The following WASF1 variants were observed in gnomAD, a reference collection of about 807,000 sequenced individuals.
WASF1 encodes actin-binding protein WASF1.
A neutral mutation model predicts 50.5 loss-of-function variants in WASF1; 7 were observed. That is an observed-to-expected ratio of 0.14 (90% CI 0.08 to 0.26). The LOEUF is 0.26. WASF1 is among the 10% of genes least tolerant of loss of function. The pLI is 1.00. For synonymous variants in WASF1, 205 were observed against 244.0 expected (o/e 0.84, Z 1.49); for missense variants, 470 against 694.7 (o/e 0.68, Z 3.64).
At chr6:110,145,752 T>C (rs915286543) in intron 3 of WASF1, among the ~76,000 whole-genome samples, 7 of 152,116 alleles carry the variant, frequency 4.6e-5, no homozygotes, top group Non-Finnish European at 8.8e-5. Context: ...GTTTATATGC[T>C]GGATTAAGAA....
intron 3 of WASF1, among the ~76,000 whole-genome samples, chr6:110,147,203 G>A (rs199981344): frequency 4.6e-5 from 7 of 151,826 alleles, no homozygotes; most frequent in South Asian, 4.2e-4. Flanking sequence ...AAAATTAGCC[G>A]GGCGTGGTGG....
At position 110,105,407 on chromosome 6, in the gene WASF1, C is replaced by A; in HGVS notation, c.713G>T (p.Arg238Ile). The stretch of plus-strand genomic sequence containing the variant: ...AAAAAAAAAACAAAAGTAAAGAAAC[C>A]TTGTTTCAAAATGAGAGGCTGGGCC... ...ANGPASHFETRPQTYVDHMDG... is the reference protein window; with the variant it reads ...ANGPASHFETIPQTYVDHMDG... Residue 238 changes from arginine (R) to isoleucine (I), a missense_variant and splice_region_variant, in exon 8 of 11, where the codon AGA becomes ATA. Transcript: ENST00000392589. 6.3e-7 allele frequency: 1 copy of A among 1,587,000 alleles called. No homozygotes were observed. The highest frequency in any genetic ancestry group is 2.2e-5 in the East Asian group (1 of 44,580).
chr6:110,139,892 A>G (rs141804749), intron 3 of WASF1, among the ~76,000 whole-genome samples: 14 of 152,360 alleles, frequency 9.2e-5, no homozygotes, highest in Admixed American at 5.2e-4. Flanking sequence ...ATAATATACT[A>G]TAACAAAAGT....
At chr6:110,138,867 A>G (rs889607521) in intron 3 of WASF1, among the ~76,000 whole-genome samples, 7 of 152,142 alleles carry the variant, frequency 4.6e-5, no homozygotes. Flanking sequence ...CCCAGCCCCC[A>G]GGCTACAGGC....
intron 7 of WASF1, among the ~76,000 whole-genome samples, 154 bp downstream of exon 7, chr6:110,106,923 G>C (rs1357896050): frequency 6.6e-6 from 1 of 152,166 alleles, no homozygotes; most frequent in East Asian, 1.9e-4. Context: ...CCATCAGACT[G>C]TGTTCTTTCT....
intron 2 of WASF1, among the ~76,000 whole-genome samples, chr6:110,166,955 C>G (rs1776502000): frequency 6.6e-6 from 1 of 151,870 alleles, no homozygotes; most frequent in African/African-American, 2.4e-5. Context: ...GCTATGCTAT[C>G]TTAATATAAC....
chr6:110,114,489 C>A (rs536515984), intron 4 of WASF1, among the ~76,000 whole-genome samples: 1 of 152,064 alleles, frequency 6.6e-6, no homozygotes, highest in Non-Finnish European at 1.5e-5. Context: ...GTACTTTTTG[C>A]GAATACCTTT....
chr6:110,177,479 T>C (rs962176817), intron 2 of WASF1, among the ~76,000 whole-genome samples: 23 of 152,136 alleles, frequency 1.5e-4, no homozygotes, highest in African/African-American at 4.6e-4. Context: ...CATTTTTTCA[T>C]TGTATTTTTC....
chr6:110,151,928 A>G (rs954878281), intron 3 of WASF1, among the ~76,000 whole-genome samples: 2 of 152,140 alleles, frequency 1.3e-5, no homozygotes, highest in Non-Finnish European at 1.5e-5. Context: ...ACATATTATT[A>G]TATATTTTTG....
rs747566682 is a variant in WASF1 at position 110,126,489 on chromosome 6, G to A, written c.133+980C>T. 3.3e-5 allele frequency among the ~76,000 whole-genome samples: 5 copies of A among 152,014 alleles called. No homozygotes were observed. The South Asian group carries it at 1.0e-3, about 32-fold the overall frequency. On this transcript the variant is annotated intron_variant, in intron 4 of 10. Transcript: ENST00000392589. ...ACAGGTATGCCTAAACTTTCTTACC[G>A]GAAACAAATTAGATTAACAACCTCT...
At chr6:110,177,833 T>C (rs545966840) in intron 2 of WASF1, among the ~76,000 whole-genome samples, 2 of 151,960 alleles carry the variant, frequency 1.3e-5, no homozygotes, top group African/African-American at 2.4e-5. Context: ...AAAAGGAAAA[T>C]TATAAAAATA....
At chr6:110,163,915 T>C (rs887686697) in intron 2 of WASF1, among the ~76,000 whole-genome samples, 2 of 151,474 alleles carry the variant, frequency 1.3e-5, no homozygotes, top group South Asian at 4.1e-4. Context: ...CCCGTGCAAA[T>C]AGTCACTGAT....
chr6:110,134,999 C>T (rs565830569), intron 3 of WASF1, among the ~76,000 whole-genome samples: 1 of 152,280 alleles, frequency 6.6e-6, no homozygotes, highest in South Asian at 2.1e-4. Context: ...CACCCATGAG[C>T]ATGTGATGTG....
chr6:110,163,510 A>G (rs562091964), intron 2 of WASF1, among the ~76,000 whole-genome samples: 18 of 151,666 alleles, frequency 1.2e-4, no homozygotes, highest in Non-Finnish European at 2.1e-4. Flanking sequence ...CTCCACTCTC[A>G]TGATCTAATC....
chr6:110,113,253 T>C (rs1475480093), intron 5 of WASF1, 73 bp downstream of exon 5: 15 of 1,272,720 alleles, frequency 1.2e-5, no homozygotes, highest in Non-Finnish European at 4.1e-6. Flanking sequence ...TGATTAATAC[T>C]GTTAAGTATA....
At chr6:110,162,529 G>A (rs1776302693) in intron 2 of WASF1, among the ~76,000 whole-genome samples, 2 of 148,070 alleles carry the variant, frequency 1.4e-5, no homozygotes, top group Admixed American at 6.8e-5. Flanking sequence ...TTAACAAATC[G>A]ATTCCAACAA....
intron 8 of WASF1, 56 bp from the exon 9 acceptor site, chr6:110,103,613 T>A: frequency 1.4e-6 from 2 of 1,449,226 alleles, no homozygotes; most frequent in Admixed American, 2.1e-5. Context: ...GAGGAAAGGG[T>A]TCTACATGAG....
At chr6:110,134,354 C>A (rs547880938) in intron 3 of WASF1, among the ~76,000 whole-genome samples, 34 of 151,974 alleles carry the variant, frequency 2.2e-4, no homozygotes, top group Admixed American at 1.8e-3. Context: ...TTTTGTTGAA[C>A]ATCAATTGGC....
At chr6:110,114,396 TC>T (rs1360527503) in intron 4 of WASF1, among the ~76,000 whole-genome samples, 2 of 151,982 alleles carry the variant, frequency 1.3e-5, no homozygotes, top group Non-Finnish European at 2.9e-5. Flanking sequence ...GATAAATGAA[TC>T]AAACTTAAGG....
Sources: gnomAD v4.1 joint callset for allele counts (sites outside exome capture counted in the v4.1 genomes callset) on GRCh38, gnomAD v4.1.1 for gene constraint, MANE v1.5 for transcripts, NCBI Gene and HGNC (gene_info 2026-07-23, HGNC 2026-07-21) for gene names.